IPMK: variants seen among roughly 807,000 people sequenced by gnomAD.
IPMK encodes inositol 1,3,4,6-tetrakisphosphate 5-kinase.
A neutral mutation model predicts 45.8 loss-of-function variants in IPMK; 17 were observed. The observed-to-expected ratio is 0.37, with a 90% confidence interval of 0.25 to 0.56. The LOEUF (loss-of-function observed/expected upper bound fraction) is 0.56. IPMK is among the 20% of genes least tolerant of loss of function. The pLI is 0.79. For missense variants in IPMK, 399 were observed against 498.0 expected (o/e 0.80, Z 1.89); for synonymous variants, 180 against 184.3 (o/e 0.98, Z 0.19).
intron 4 of IPMK, among the ~76,000 whole-genome samples, chr10:58,203,496 T>G (rs2132144830): frequency 6.6e-6 from 1 of 152,232 alleles, no homozygotes; most frequent in East Asian, 1.9e-4. Flanking sequence ...TTTGTATTCT[T>G]TTGTAGACGG....
At chr10:58,260,313 C>T (rs1394156652) in intron 1 of IPMK, among the ~76,000 whole-genome samples, 1 of 152,080 alleles carries the variant, frequency 6.6e-6, no homozygotes, top group Admixed American at 6.6e-5. Context: ...ACTAAAGAAT[C>T]GTAACAACGA....
At chr10:58,246,449 AAC>A (rs1275156858) in intron 1 of IPMK, among the ~76,000 whole-genome samples, 2 of 139,672 alleles carry the variant, frequency 1.4e-5, no homozygotes, top group Non-Finnish European at 3.0e-5. Flanking sequence ...CTGGTACCAA[AAC>A]ACAGATATAG....
rs1378073841 is a variant in IPMK at position 58,199,119 on chromosome 10, T to A, written c.628+121A>T. 3 of 591,988 alleles carry A rather than the reference T, an allele frequency of 5.1e-6. No individual in the cohort carries two copies. In the African/African-American group the frequency reaches 5.7e-5, roughly 11 times the overall value. The allele number at this position is 591,988 out of a possible 1,614,324, so 36.7% of individuals were successfully genotyped here. ...CCAATTCTGTAAATCTAAGTTTCAT[T>A]ATTATTTAAAAAATGTTTATTATGA... On this transcript the variant is annotated intron_variant, in intron 5 of 5. Transcript: ENST00000373935.
At chr10:58,254,117 A>G (rs547415600) in intron 1 of IPMK, among the ~76,000 whole-genome samples, 1 of 152,244 alleles carries the variant, frequency 6.6e-6, no homozygotes, top group African/African-American at 2.4e-5. Context: ...TATTTCCTCA[A>G]ATATACCTTC....
chr10:58,239,107 C>T (rs1295369845), intron 1 of IPMK, among the ~76,000 whole-genome samples: 2 of 152,114 alleles, frequency 1.3e-5, no homozygotes, highest in East Asian at 1.9e-4. Flanking sequence ...TATGATCAGG[C>T]CACTGCACTT....
rs1838435434 is a variant in IPMK, at chr10:58,227,429, T to C, written c.277-290A>G. Among the ~76,000 whole-genome samples, 3 of 152,174 alleles carry C rather than the reference T, an allele frequency of 2.0e-5. No homozygotes were observed. The South Asian group carries it at 6.2e-4, about 31-fold the overall frequency. On this transcript the variant is annotated intron_variant, in intron 2 of 5. Transcript: ENST00000373935. ...GCAAAATAACTCTTGTCCATAAACA[T>C]GTAAATAAATTCTGGCCAGAGGACA...
At chr10:58,213,297 T>C (rs1417779595) in intron 4 of IPMK, among the ~76,000 whole-genome samples, 1 of 152,174 alleles carries the variant, frequency 6.6e-6, no homozygotes, top group Non-Finnish European at 1.5e-5. Flanking sequence ...GTTATGTGTG[T>C]AACTAAAATG....
At chr10:58,262,009 C>T (rs1370567978) in intron 1 of IPMK, among the ~76,000 whole-genome samples, 1 of 151,998 alleles carries the variant, frequency 6.6e-6, no homozygotes, top group East Asian at 1.9e-4. Context: ...AACCAAACAC[C>T]GCATGTTCTC....
chr10:58,199,391 G>T, intron 4 of IPMK, 70 bp from the exon 5 acceptor site: 1 of 950,770 alleles, frequency 1.1e-6, no homozygotes, highest in Non-Finnish European at 1.5e-6. Context: ...CCAGCCACAA[G>T]GGTGGCTAAA....
At chr10:58,229,562 C>CAAAAAAAAAAAAAA (rs574403627) in intron 2 of IPMK, among the ~76,000 whole-genome samples, 1 of 72,952 alleles carries the variant, frequency 1.4e-5, no homozygotes, top group African/African-American at 6.3e-5. Flanking sequence ...GACCACGTCT[C>CAAAAAAAAAAAAAA]AAAAAAAAAA....
At chr10:58,261,174 C>G (rs759136919) in intron 1 of IPMK, among the ~76,000 whole-genome samples, 2 of 147,092 alleles carry the variant, frequency 1.4e-5, no homozygotes, top group Admixed American at 1.4e-4. Flanking sequence ...ATAGTCTTAA[C>G]TCTTAAAAAC....
rs118048712 is a variant in IPMK at position 58,207,832 on chromosome 10, C to T, written c.546+8313G>A. Among the ~76,000 whole-genome samples the T allele has an allele frequency of 9.9e-3, 1,503 of 152,228 alleles. 13 individuals are homozygous for T. The highest frequency in any genetic ancestry group is 0.031 in the South Asian group (148 of 4,828). ...CTCTAGCAAGGCCAGAGAAGTTTTC[C>T]GTAATTATTCCCTCAGATAAGTTTT... On this transcript the variant is annotated intron_variant, in intron 4 of 5. Transcript: ENST00000373935.
In IPMK at chr10:58,199,260, G is replaced by C. The variant is rs1342616996; in HGVS notation, c.608C>G (p.Thr203Arg). The change falls in exon 5 of 6, where the codon ACA becomes AGA. Residue 203 changes from threonine to arginine, a missense_variant. Physicochemically the swap from Thr to Arg is moderately conservative, Grantham distance 71. Around this residue, in one of 2 missense-constraint regions of IPMK, gnomAD observed 288 missense variants for 398.0 expected, o/e 0.72. Coordinates refer to ENST00000373935, the MANE Select transcript of IPMK (RefSeq NM_152230.5). ...CTTACCATCCTTTATAGTTTCTTTT[G>C]TTAAGCTTCTTCCGTAATGCTGGTT... ...TENQHYGRSLTKETIKDGVSR... is the reference protein window; with the variant it reads ...TENQHYGRSLRKETIKDGVSR... 3.7e-6 allele frequency: 6 copies of C among 1,606,032 alleles called. No homozygotes were observed. The highest frequency in any genetic ancestry group is 5.1e-6 in the Non-Finnish European group (6 of 1,175,376).
intron 2 of IPMK, among the ~76,000 whole-genome samples, chr10:58,229,280 G>C (rs954927157): frequency 6.6e-5 from 10 of 152,060 alleles, no homozygotes; most frequent in African/African-American, 2.4e-4. Context: ...TCTAGGCCAG[G>C]CATGGTGGCT....
At chr10:58,203,073 G>C (rs1332422633) in intron 4 of IPMK, among the ~76,000 whole-genome samples, 3 of 152,180 alleles carry the variant, frequency 2.0e-5, no homozygotes, top group African/African-American at 4.8e-5. Context: ...ATGGCATAAA[G>C]AAGATTTGAG....
chr10:58,199,824 A>T (rs1286119323), intron 4 of IPMK, among the ~76,000 whole-genome samples: 2 of 152,176 alleles, frequency 1.3e-5, no homozygotes, highest in Non-Finnish European at 2.9e-5. Context: ...ATTAAAGACA[A>T]ATACAAATAA....
chr10:58,194,240 C>A lies in IPMK; in HGVS notation c.*1836G>T, dbSNP rs1376467095. ...AAGATTCAAAATAGTGTTTAATTAT[C>A]TGAGCTTAAGATTTATTGAACCACT... On this transcript the variant is annotated 3_prime_UTR_variant, in exon 6 of 6. Coordinates refer to ENST00000373935, the MANE Select transcript of IPMK (RefSeq NM_152230.5). 7 of 151,658 alleles carry A rather than the reference C, an allele frequency of 4.6e-5. No homozygotes were observed. Among genetic ancestry groups the A allele is most frequent in the Non-Finnish European group, 7.4e-5 (5 of 67,702 alleles). 9.4% of individuals were successfully genotyped at this position (151,658 alleles called of 1,614,324 possible).
At chr10:58,198,640 C>A (rs1260397182) in intron 5 of IPMK, among the ~76,000 whole-genome samples, 1 of 152,102 alleles carries the variant, frequency 6.6e-6, no homozygotes, top group Non-Finnish European at 1.5e-5. Flanking sequence ...CTTAGTAGAG[C>A]TAAGAATAAA....
chr10:58,222,631 T>C (rs865843775), intron 3 of IPMK, among the ~76,000 whole-genome samples: 9 of 152,224 alleles, frequency 5.9e-5, no homozygotes, highest in Admixed American at 3.9e-4. Context: ...GAAATAAAGC[T>C]ACATTTAAGA....
Sources: gnomAD v4.1 joint callset for allele counts (sites outside exome capture counted in the v4.1 genomes callset) on GRCh38, gnomAD v4.1.1 for gene constraint, gnomAD v4.1.1 regional missense constraint, MANE v1.5 for transcripts, NCBI Gene and HGNC (gene_info 2026-07-23, HGNC 2026-07-21) for gene names.